Variants in PLAA observed in about 807,000 individuals in gnomAD.
The protein encoded by PLAA is phospholipase A2 activating protein, also known as phospholipase A-2-activating protein.
PLAA carries 48 observed loss-of-function variants against 84.1 expected under a neutral mutation model. The observed-to-expected ratio is 0.57, with a 90% CI of 0.45 to 0.73. PLAA has a LOEUF of 0.73. PLAA is among the 30% of genes least tolerant of loss of function. PLAA has a pLI of 0.00. For missense variants in PLAA, 903 were observed against 954.7 expected, an observed-to-expected ratio of 0.95 and a Z score of 0.71; for synonymous variants, 392 against 336.6, an observed-to-expected ratio of 1.16 and a Z score of -1.80.
rs1295978111 is a variant in PLAA at position 26,926,488 on chromosome 9, C to T, written c.638G>A (p.Ser213Asn). The T allele has an allele frequency of 6.2e-7, 1 of 1,612,862 alleles. No homozygotes were observed. Reference protein sequence around the residue: ...TEFLSCANDASIRRWQITGEC... With the variant: ...TEFLSCANDANIRRWQITGEC... ...GCCAGTGATTTGCCACCTTCTAATA[C>T]TAGCATCATTTGCACAGGAAAGAAA... The change falls in exon 5 of 14, where the codon AGT (serine) becomes AAT (asparagine). Residue 213 changes from serine (S) to asparagine (N), a missense_variant. Ser to Asn is a conservative substitution (Grantham distance 46, BLOSUM62 1). Coordinates refer to ENST00000397292, the MANE Select transcript of PLAA (RefSeq NM_001031689.3).
chr9:26,942,121 CAAAAT>C (rs926453757), intron 1 of PLAA, among the ~76,000 whole-genome samples: 1 of 152,060 alleles, frequency 6.6e-6, no homozygotes, highest in African/African-American at 2.4e-5. Flanking sequence ...AGTAACAAGG[CAAAAT>C]AAAATAACTT....
chr9:26,946,758 G>C (rs1433351137), intron 1 of PLAA, 139 bp downstream of exon 1: 7 of 1,025,204 alleles, frequency 6.8e-6, no homozygotes, highest in African/African-American at 1.6e-5. Flanking sequence ...CTAATAGTCT[G>C]AGAATTGGAA....
Position 26,947,121 on chromosome 9 carries a change from G to A in PLAA, c.-76C>T. The A allele has an allele frequency of 2.2e-6, 3 of 1,393,502 alleles. No individual in the cohort carries two copies. The highest frequency in any genetic ancestry group is 2.8e-6 in the Non-Finnish European group (3 of 1,070,576). 86.3% of individuals were successfully genotyped at this position (1,393,502 alleles called of 1,614,324 possible). A position where few individuals can be genotyped will look rare whatever the true frequency, so the allele number is the denominator to read the frequency against. On this transcript the variant is annotated 5_prime_UTR_variant, in exon 1 of 14. Coordinates refer to ENST00000397292, the MANE Select transcript of PLAA (RefSeq NM_001031689.3). ...CGCAGGGGCGACTCGGAGAGCGCCG[G>A]GCCGCGGCGGGAGAAGAGCCTGCAG... is the stretch of plus-strand genomic sequence containing the variant.
Position 26,932,443 on chromosome 9 carries a change from G to A in PLAA, c.343+2570C>T, listed in dbSNP as rs546957345. 5.3e-5 allele frequency among the ~76,000 whole-genome samples: 8 copies of A among 152,352 alleles called. 1 individual carries two copies. In the South Asian group the frequency reaches 1.7e-3, roughly 32 times the overall value. ...AATTATATGAAATTCAAATTTCAGT[G>A]TTCACAAATGAAGATTTATTGAAAC... On this transcript the variant is annotated intron_variant, in intron 2 of 13. Transcript: ENST00000397292.
intron 9 of PLAA, 43 bp from the exon 10 acceptor site, chr9:26,917,208 T>G (rs1386872458): frequency 9.2e-6 from 14 of 1,525,486 alleles, no homozygotes; most frequent in Non-Finnish European, 1.3e-5. Flanking sequence ...GCACCAAAGT[T>G]CTGAATTTTT....
At chr9:26,926,582 C>T in intron 4 of PLAA, 22 bp from the exon 5 acceptor site, 1 of 1,593,178 alleles carries the variant, frequency 6.3e-7, no homozygotes, top group Non-Finnish European at 8.6e-7. Context: ...AACAATAATG[C>T]AAATCAATAA....
At chr9:26,917,074 C>T (rs757816431) in intron 10 of PLAA, 23 bp downstream of exon 10, 4 of 1,594,134 alleles carry the variant, frequency 2.5e-6, no homozygotes, top group Non-Finnish European at 3.4e-6. Flanking sequence ...AAGAAAGATA[C>T]ATGAATCAAA....
At chr9:26,917,224 A>G (rs1824592419) in intron 9 of PLAA, 59 bp from the exon 10 acceptor site, 1 of 1,331,574 alleles carries the variant, frequency 7.5e-7, no homozygotes, top group Non-Finnish European at 1.1e-6. Flanking sequence ...TTTTTCAAAC[A>G]GCACAATGCT....
intron 13 of PLAA, among the ~76,000 whole-genome samples, chr9:26,906,423 CTTTTTTTTT>C (rs35324777): frequency 5.3e-5 from 5 of 95,064 alleles, no homozygotes; most frequent in East Asian, 3.5e-4. Flanking sequence ...AGGGAAAGTT[CTTTTTTTTT>C]TTTTTTTTTT....
chr9:26,928,415 A>T lies in PLAA; in HGVS notation c.344-7T>A. On this transcript the variant is annotated splice_polypyrimidine_tract_variant and splice_region_variant and intron_variant, in intron 2 of 13. Transcript: ENST00000397292. ...CCAGATGATAGACTACAAACTAAGG[A>T]AAAAACATCATTGGATAACACATTT... 6.5e-7 allele frequency: 1 copy of T among 1,532,488 alleles called. No individual in the cohort carries two copies. Among genetic ancestry groups the T allele is most frequent in the Non-Finnish European group, 9.0e-7 (1 of 1,105,514 alleles). The allele number at this position is 1,532,488 out of a possible 1,614,324, so 94.9% of individuals were successfully genotyped here. A position where few individuals can be genotyped will look rare whatever the true frequency, so the allele number is the denominator to read the frequency against.
intron 1 of PLAA, among the ~76,000 whole-genome samples, chr9:26,944,210 G>T (rs1338355810): frequency 1.3e-5 from 2 of 152,138 alleles, no homozygotes; most frequent in Non-Finnish European, 2.9e-5. Context: ...TCCACCATAG[G>T]ATGATACAGC....
intron 11 of PLAA, among the ~76,000 whole-genome samples, chr9:26,911,468 T>C (rs1377365373): frequency 3.3e-5 from 5 of 152,254 alleles, no homozygotes; most frequent in Non-Finnish European, 4.4e-5. Flanking sequence ...TGCATTGTTT[T>C]AGTACAGAAG....
intron 4 of PLAA, among the ~76,000 whole-genome samples, chr9:26,927,805 A>C (rs1825026631): frequency 6.6e-6 from 1 of 152,220 alleles, no homozygotes; most frequent in South Asian, 2.1e-4. Flanking sequence ...ATGACAACCA[A>C]AAATATAACT....
At position 26,926,550 on chromosome 9, in the gene PLAA, G is replaced by A. The variant is rs779555010; in HGVS notation, c.576C>T (p.Asp192=). The A allele has an allele frequency of 6.2e-7, 1 of 1,611,620 alleles. No homozygotes were observed. Among genetic ancestry groups the A allele is most frequent in the Non-Finnish European group, 8.5e-7 (1 of 1,178,558 alleles). Residue 192 remains aspartate, a synonymous_variant, in exon 5 of 14, where the codon GAC becomes GAT. Transcript: ENST00000397292. ...RCERTFSGHE[D]CVRGLAILSE... is the part of the protein sequence containing the mutation. ...TCAAAATTGCCAAACCTCTTACACA[G>A]TCTTCATGCCCTGCATTAAAAAACA... is the stretch of plus-strand genomic sequence containing the variant.
At chr9:26,912,914 A>T (rs982347316) in intron 11 of PLAA, among the ~76,000 whole-genome samples, 1 of 152,204 alleles carries the variant, frequency 6.6e-6, no homozygotes, top group African/African-American at 2.4e-5. Context: ...TGCAATTAAA[A>T]AATAGCTTAC....
At position 26,945,200 on chromosome 9, in the gene PLAA, T is replaced by G. The variant is rs531981284; in HGVS notation, c.149+1697A>C. 4.0e-3 allele frequency among the ~76,000 whole-genome samples: 603 copies of G among 152,266 alleles called. 6 individuals are homozygous for G. Among genetic ancestry groups the G allele is most frequent in the African/African-American group, 0.014 (586 of 41,560 alleles). On this transcript the variant is annotated intron_variant, in intron 1 of 13. Coordinates refer to ENST00000397292, the MANE Select transcript of PLAA (RefSeq NM_001031689.3). ...ATAGAGAATCAGTTCAGCCCAAAGT[T>G]CTTCAAGTTCCTGGTAAGCACAACC...
At chr9:26,923,485 G>A (rs77311536) in intron 6 of PLAA, 138 bp from the exon 7 acceptor site, 31,684 of 635,802 alleles carry the variant, frequency 0.05, 1,188 homozygotes, top group African/African-American at 0.14. Flanking sequence ...GCTGATTACA[G>A]CACTGTGCTG....
chr9:26,944,137 G>T (rs917708062), intron 1 of PLAA, among the ~76,000 whole-genome samples: 1 of 152,274 alleles, frequency 6.6e-6, no homozygotes, highest in Admixed American at 6.5e-5. Flanking sequence ...GGGTTAGAGA[G>T]TGGCTTTGTT....
chr9:26,920,846 C>T (rs1439562978), intron 7 of PLAA, among the ~76,000 whole-genome samples: 2 of 152,094 alleles, frequency 1.3e-5, no homozygotes, highest in Non-Finnish European at 2.9e-5. Context: ...CTTAATATCT[C>T]CATCATCATC....
Sources: gnomAD v4.1 joint callset for allele counts (sites outside exome capture counted in the v4.1 genomes callset) on GRCh38, gnomAD v4.1.1 for gene constraint, MANE v1.5 for transcripts, NCBI Gene and HGNC (gene_info 2026-07-23, HGNC 2026-07-21) for gene names.